Variants in FAM135B observed in about 807,000 individuals in gnomAD.
The protein encoded by FAM135B is family with sequence similarity 135 member B.
A neutral mutation model predicts 127.7 loss-of-function variants in FAM135B; 43 were observed. That is an observed-to-expected ratio of 0.34 (90% confidence interval 0.26 to 0.43). The LOEUF (loss-of-function observed/expected upper bound fraction) is 0.43. FAM135B is among the 20% of genes least tolerant of loss of function. FAM135B has a pLI of 1.00. For missense variants in FAM135B, 1,558 were observed against 1,725.6 expected, an observed-to-expected ratio of 0.90 and a Z score of 1.72; for synonymous variants, 670 against 665.1, an observed-to-expected ratio of 1.01 and a Z score of -0.11.
At chr8:138,263,710 A>T (rs575962956) in intron 4 of FAM135B, among the ~76,000 whole-genome samples, 35 of 152,310 alleles carry the variant, frequency 2.3e-4, no homozygotes, top group African/African-American at 8.4e-4. Context: ...AGGGCCATCA[A>T]ACAGGGCACA....
At chr8:138,305,938 CATGT>C (rs1206132235) in intron 3 of FAM135B, among the ~76,000 whole-genome samples, 2 of 151,906 alleles carry the variant, frequency 1.3e-5, no homozygotes, top group African/African-American at 2.4e-5. Flanking sequence ...TATACATATG[CATGT>C]ATGTTTGTGT....
rs148925551 is a variant in FAM135B, at chr8:138,233,530, C to T, written c.669+9412G>A. 5.8e-3 allele frequency among the ~76,000 whole-genome samples: 886 copies of T among 152,196 alleles called. 9 individuals are homozygous for T. Among genetic ancestry groups the T allele is most frequent in the African/African-American group, 0.02 (825 of 41,546 alleles). ...CAACAATCAACTCAAATGGATTAAA[C>T]ACTTAAACGTCAGACCCAAAACTGT... On this transcript the variant is annotated intron_variant, in intron 7 of 19. Transcript: ENST00000395297.
intron 2 of FAM135B, among the ~76,000 whole-genome samples, chr8:138,361,453 G>A (rs975798112): frequency 8.5e-5 from 13 of 152,106 alleles, no homozygotes; most frequent in Non-Finnish European, 5.9e-5. Context: ...CTCCCAGTAC[G>A]CACTAGACCC....
intron 1 of FAM135B, among the ~76,000 whole-genome samples, chr8:138,398,341 C>T (rs1050946546): frequency 6.6e-6 from 1 of 152,156 alleles, no homozygotes; most frequent in Non-Finnish European, 1.5e-5. Context: ...GTACCTGTAG[C>T]CAAAAGGAAG....
Position 138,141,263 on chromosome 8 carries a change from G to A in FAM135B, c.3725C>T (p.Thr1242Met), listed in dbSNP as rs1817119914. ...RFRYYLNKLH[T>M]FLSLSGPHLG... ...GTGAGGCCCAGAGAGTGACAGGAAC[G>A]TGTGGAGTTTGTTGAGGTAATACCG... The change falls in exon 17 of 20, where the codon ACG becomes ATG. Residue 1242 changes from threonine to methionine, a missense_variant. This residue lies in a region of FAM135B where 194 missense variants were observed against 333.8 expected (regional missense o/e 0.58). Coordinates refer to ENST00000395297, the MANE Select transcript of FAM135B (RefSeq NM_015912.4). The surrounding 1 kb of genome is among the most constrained non-coding windows in gnomAD (Gnocchi z 4.7). 1.2e-6 allele frequency: 2 copies of A among 1,614,038 alleles called. No homozygotes were observed. Among genetic ancestry groups the A allele is most frequent in the African/African-American group, 1.3e-5 (1 of 74,928 alleles).
At chr8:138,196,540 A>T (rs1816646353) in intron 8 of FAM135B, among the ~76,000 whole-genome samples, 2 of 152,264 alleles carry the variant, frequency 1.3e-5, no homozygotes, top group South Asian at 2.1e-4. Flanking sequence ...ATGCAAATAA[A>T]TTTTTTACGT....
intron 9 of FAM135B, among the ~76,000 whole-genome samples, chr8:138,184,136 G>C (rs543647722): frequency 1.3e-5 from 2 of 152,230 alleles, no homozygotes; most frequent in South Asian, 4.1e-4. Flanking sequence ...GATGAGGATT[G>C]TGTCAGGAAT....
At chr8:138,419,626 A>G (rs1021864275) in intron 1 of FAM135B, among the ~76,000 whole-genome samples, 1 of 152,158 alleles carries the variant, frequency 6.6e-6, no homozygotes, top group Non-Finnish European at 1.5e-5. Flanking sequence ...ATTCTCAACA[A>G]ATTTTTAAAA....
In FAM135B at chr8:138,151,656, G is replaced by A. The variant is rs200201819; in HGVS notation, c.2819C>T (p.Thr940Met). ...CCTGTTGATGGCATCAGCAGCTGACGTACAGCTCAATTCAGGCACCTGATG... is the reference window on the plus strand; with the variant it reads ...CCTGTTGATGGCATCAGCAGCTGACATACAGCTCAATTCAGGCACCTGATG... ...SQHQVPELSC[T>M]SAADAINRNS... The change falls in exon 13 of 20, where the codon ACG (threonine) becomes ATG (methionine). Residue 940 changes from threonine (T) to methionine (M), a missense_variant. This residue lies in a region of FAM135B where 923 missense variants were observed against 865.3 expected (regional missense o/e 1.07). Transcript: ENST00000395297. 5.8e-5 allele frequency: 93 copies of A among 1,614,022 alleles called. No individual in the cohort carries two copies. Among genetic ancestry groups the A allele is most frequent in the African/African-American group, 1.5e-4 (11 of 74,896 alleles).
intron 3 of FAM135B, among the ~76,000 whole-genome samples, chr8:138,269,956 A>T (rs1823248838): frequency 6.6e-6 from 1 of 152,046 alleles, no homozygotes; most frequent in Non-Finnish European, 1.5e-5. Flanking sequence ...GCCAAACTTT[A>T]TTTTTTTTCC....
intron 2 of FAM135B, among the ~76,000 whole-genome samples, chr8:138,348,090 T>G (rs57938043): frequency 0.016 from 2,314 of 148,148 alleles, 46 homozygotes; most frequent in East Asian, 0.12. Flanking sequence ...TTGCCCCCCA[T>G]GCAACAACAA....
At chr8:138,460,609 G>A (rs1183400557) in intron 1 of FAM135B, among the ~76,000 whole-genome samples, 2 of 152,130 alleles carry the variant, frequency 1.3e-5, no homozygotes, top group Non-Finnish European at 2.9e-5. Flanking sequence ...AAAGAAGACA[G>A]TTATTCATTC....
intron 2 of FAM135B, among the ~76,000 whole-genome samples, chr8:138,313,510 A>T (rs1826847384): frequency 6.6e-6 from 1 of 151,708 alleles, no homozygotes; most frequent in Admixed American, 6.6e-5. Context: ...AAAGAAAAAC[A>T]TAATAAATTT....
At chr8:138,489,097 G>A (rs1429776278) in intron 1 of FAM135B, among the ~76,000 whole-genome samples, 1 of 152,156 alleles carries the variant, frequency 6.6e-6, no homozygotes, top group Non-Finnish European at 1.5e-5. Context: ...TCTACGTGCT[G>A]AGGATTCCCT....
intron 7 of FAM135B, among the ~76,000 whole-genome samples, chr8:138,207,082 T>C (rs187138638): frequency 6.6e-6 from 1 of 152,288 alleles, no homozygotes; most frequent in African/African-American, 2.4e-5. Context: ...CTCAGTTTTG[T>C]GTTCCTCTCC....
At chr8:138,484,701 T>A (rs1814918824) in intron 1 of FAM135B, among the ~76,000 whole-genome samples, 1 of 152,144 alleles carries the variant, frequency 6.6e-6, no homozygotes, top group African/African-American at 2.4e-5. Context: ...TCATTCTTTT[T>A]CTCCAACATC....
intron 1 of FAM135B, among the ~76,000 whole-genome samples, chr8:138,385,316 C>T (rs1452169127): frequency 6.6e-6 from 1 of 152,166 alleles, no homozygotes; most frequent in African/African-American, 2.4e-5. Context: ...ACTTGATTTT[C>T]ATGTCCTCTC....
intron 2 of FAM135B, among the ~76,000 whole-genome samples, chr8:138,347,600 A>C (rs182994360): frequency 4.2e-4 from 64 of 152,108 alleles, no homozygotes; most frequent in African/African-American, 1.5e-3. Context: ...CCCTCTCATA[A>C]CCCCTTGAGA....
intron 7 of FAM135B, among the ~76,000 whole-genome samples, chr8:138,219,411 G>A (rs1818850337): frequency 6.6e-6 from 1 of 152,134 alleles, no homozygotes; most frequent in Admixed American, 6.5e-5. Flanking sequence ...TTTCATCGTA[G>A]GGGTTGATTT....
Sources: gnomAD v4.1 joint callset for allele counts (sites outside exome capture counted in the v4.1 genomes callset) on GRCh38, gnomAD v4.1.1 for gene constraint, gnomAD v4.1.1 regional missense constraint, Gnocchi (gnomAD v3.1) non-coding constraint, MANE v1.5 for transcripts, NCBI Gene and HGNC (gene_info 2026-07-23, HGNC 2026-07-21) for gene names.